The following KITLG variants were observed in gnomAD, a reference collection of about 807,000 sequenced individuals.
The protein encoded by KITLG is KIT ligand.
Under a neutral mutation model 34.1 loss-of-function variants are expected in KITLG, and 13 were observed. The observed-to-expected ratio is 0.38, with a 90% CI of 0.25 to 0.61. The LOEUF (loss-of-function observed/expected upper bound fraction) is 0.61, where lower values mean the gene tolerates loss of function less well. Ranked by LOEUF, KITLG falls within the 20% of genes least tolerant of loss-of-function variation. The pLI, the probability that KITLG is intolerant of heterozygous loss-of-function variation, is 0.60. For synonymous variants in KITLG, 110 were observed against 104.0 expected (o/e 1.06, Z -0.35); for missense variants, 292 against 318.9 (o/e 0.92, Z 0.64).
intron 9 of KITLG, among the ~76,000 whole-genome samples, chr12:88,503,689 A>G (rs1592836413): frequency 6.6e-6 from 1 of 152,064 alleles, no homozygotes; most frequent in Admixed American, 6.6e-5. Flanking sequence ...TGATACCAGT[A>G]CCTTCTAGCC....
chr12:88,516,664 T>TC (rs1296828370), intron 4 of KITLG, among the ~76,000 whole-genome samples, 174 bp from the exon 5 acceptor site: 1 of 151,660 alleles, frequency 6.6e-6, no homozygotes, highest in Non-Finnish European at 1.5e-5. Flanking sequence ...AGGGTAGTGA[T>TC]CCCAGTGGGA....
intron 3 of KITLG, among the ~76,000 whole-genome samples, chr12:88,522,765 C>T (rs972621284): frequency 3.3e-5 from 5 of 152,076 alleles, no homozygotes; most frequent in Admixed American, 2.0e-4. Flanking sequence ...GTAAGATTTA[C>T]GGATTAAGAA....
chr12:88,562,330 A>C (rs1471990735), intron 1 of KITLG, among the ~76,000 whole-genome samples: 2 of 152,236 alleles, frequency 1.3e-5, no homozygotes, highest in Non-Finnish European at 2.9e-5. Context: ...AAGGCTGGAC[A>C]ATGTACAATT....
intron 1 of KITLG, among the ~76,000 whole-genome samples, chr12:88,565,985 A>T (rs1308889492): frequency 6.6e-6 from 1 of 152,236 alleles, no homozygotes; most frequent in Non-Finnish European, 1.5e-5. Flanking sequence ...TATATCTGGC[A>T]TTAGCGAGTT....
intron 1 of KITLG, among the ~76,000 whole-genome samples, chr12:88,575,741 A>G (rs1048979101): frequency 1.3e-5 from 2 of 152,216 alleles, no homozygotes; most frequent in Admixed American, 6.5e-5. Context: ...GCAGCTGCTC[A>G]TGATTTATGT....
chr12:88,509,365 G>A (rs1401790403), intron 6 of KITLG, among the ~76,000 whole-genome samples: 2 of 152,178 alleles, frequency 1.3e-5, no homozygotes, highest in African/African-American at 4.8e-5. Context: ...TTACTAAAGA[G>A]TGAGATATTC....
At chr12:88,555,863 A>C (rs1230772308) in intron 1 of KITLG, among the ~76,000 whole-genome samples, 1 of 152,212 alleles carries the variant, frequency 6.6e-6, no homozygotes, top group East Asian at 1.9e-4. Context: ...TAAAGACAGA[A>C]AGACTATGAT....
At chr12:88,519,255 G>A (rs1186938743) in intron 3 of KITLG, among the ~76,000 whole-genome samples, 1 of 152,116 alleles carries the variant, frequency 6.6e-6, no homozygotes, top group Non-Finnish European at 1.5e-5. Context: ...TGTGACAGGA[G>A]GAGGAGGGAC....
chr12:88,523,143 G>A (rs563954354), intron 3 of KITLG, among the ~76,000 whole-genome samples: 2 of 152,314 alleles, frequency 1.3e-5, no homozygotes, highest in East Asian at 1.9e-4. Flanking sequence ...CCTAGGGCAC[G>A]AAGTGTACCT....
At chr12:88,514,213 T>C (rs1444485794) in intron 6 of KITLG, among the ~76,000 whole-genome samples, 1 of 151,686 alleles carries the variant, frequency 6.6e-6, no homozygotes, top group East Asian at 1.9e-4. Context: ...TAAGTGCTTG[T>C]AATTAGCAAA....
intron 9 of KITLG, among the ~76,000 whole-genome samples, chr12:88,502,207 G>GT (rs1259826624): frequency 2.0e-5 from 3 of 151,998 alleles, no homozygotes; most frequent in Admixed American, 1.3e-4. Flanking sequence ...AGTGAGCTGG[G>GT]TTTTTTTCTG....
At chr12:88,521,711 A>ACCC (rs1389027195) in intron 3 of KITLG, among the ~76,000 whole-genome samples, 1 of 152,148 alleles carries the variant, frequency 6.6e-6, no homozygotes, top group Non-Finnish European at 1.5e-5. Flanking sequence ...TTGATGCTTT[A>ACCC]TTCGCCTGTA....
At chr12:88,558,245 TTAAA>T (rs375710247) in intron 1 of KITLG, among the ~76,000 whole-genome samples, 8 of 152,022 alleles carry the variant, frequency 5.3e-5, no homozygotes, top group Non-Finnish European at 8.8e-5. Context: ...ACAAGACCTT[TTAAA>T]TAAATAAATA....
chr12:88,552,779 T>G (rs556625407), intron 1 of KITLG, among the ~76,000 whole-genome samples: 1 of 152,098 alleles, frequency 6.6e-6, no homozygotes, highest in Non-Finnish European at 1.5e-5. Context: ...AAAAAACGCT[T>G]TTGGAAACCA....
Position 88,574,180 on chromosome 12 carries a change from G to A in KITLG, c.15+6084C>T, listed in dbSNP as rs557866821. Among the ~76,000 whole-genome samples, 260 of 151,820 alleles carry A rather than the reference G, an allele frequency of 1.7e-3. 2 individuals are homozygous for A. Among genetic ancestry groups the A allele is most frequent in the African/African-American group, 6.2e-3 (255 of 41,386 alleles). ...GAAGAACATTATCTTCATGGTTGTG[G>A]CCCTGTTTTCTGAGAAATGTGTGTT... On this transcript the variant is annotated intron_variant, in intron 1 of 9. Coordinates refer to ENST00000644744, the MANE Select transcript of KITLG (RefSeq NM_000899.5).
chr12:88,516,231 G>T, intron 5 of KITLG, 103 bp downstream of exon 5: 1 of 924,780 alleles, frequency 1.1e-6, no homozygotes, highest in Non-Finnish European at 1.8e-6. Context: ...AGACGTACAT[G>T]CATGTATCTT....
At chr12:88,536,292 A>C (rs1870314536) in intron 2 of KITLG, among the ~76,000 whole-genome samples, 2 of 152,174 alleles carry the variant, frequency 1.3e-5, no homozygotes, top group Non-Finnish European at 2.9e-5. Context: ...AAACATATGA[A>C]AAATTGCTTA....
At chr12:88,579,842 G>A (rs1443366322) in intron 1 of KITLG, among the ~76,000 whole-genome samples, 1 of 152,192 alleles carries the variant, frequency 6.6e-6, no homozygotes, top group Non-Finnish European at 1.5e-5. Context: ...ATAAATCTGA[G>A]TGAGAGAGCT....
At chr12:88,511,961 G>A (rs1056837369) in intron 6 of KITLG, among the ~76,000 whole-genome samples, 14 of 152,100 alleles carry the variant, frequency 9.2e-5, no homozygotes, top group Non-Finnish European at 7.4e-5. Context: ...TATAGAATCT[G>A]AAAGATATTC....
Sources: allele counts gnomAD v4.1 joint callset (sites outside exome capture counted in the v4.1 genomes callset), GRCh38; gene constraint gnomAD v4.1.1; transcripts MANE v1.5; gene names NCBI Gene and HGNC (gene_info 2026-07-23, HGNC 2026-07-21).